SREK1IP1: variants seen among roughly 807,000 people sequenced by gnomAD.
The protein encoded by SREK1IP1 is SREK1 interacting protein 1.
SREK1IP1 carries 12 observed loss-of-function variants against 22.8 expected under a neutral mutation model. That is an observed-to-expected ratio of 0.53 (90% CI 0.34 to 0.85). The LOEUF is 0.85. SREK1IP1 is among the 40% of genes least tolerant of loss of function. The probability of loss-of-function intolerance (pLI) is 0.02; values close to 1 mark genes in which losing one functional copy is unlikely to be tolerated. For missense variants in SREK1IP1, 147 were observed against 171.8 expected (o/e 0.86, Z 0.81); for synonymous variants, 53 against 52.7 (o/e 1.01, Z -0.02).
At chr5:64,760,408 T>C (rs6449756) in intron 1 of SREK1IP1, among the ~76,000 whole-genome samples, 8,613 of 151,840 alleles carry the variant, frequency 0.057, 809 homozygotes, top group African/African-American at 0.2. Context: ...CAAAGGGAGG[T>C]GGGGGGAAAG....
At chr5:64,763,035 G>A (rs1368251233) in intron 1 of SREK1IP1, among the ~76,000 whole-genome samples, 1 of 152,040 alleles carries the variant, frequency 6.6e-6, no homozygotes, top group Non-Finnish European at 1.5e-5. Context: ...CTGGGTGACA[G>A]AGCGAGACTC....
At chr5:64,751,956 T>A (rs1742748786) in intron 2 of SREK1IP1, among the ~76,000 whole-genome samples, 1 of 152,086 alleles carries the variant, frequency 6.6e-6, no homozygotes, top group African/African-American at 2.4e-5. Context: ...AACCACTGGG[T>A]CTACTATACT....
intron 2 of SREK1IP1, among the ~76,000 whole-genome samples, chr5:64,747,362 G>A (rs189238807): frequency 1.3e-5 from 2 of 152,032 alleles, no homozygotes; most frequent in Admixed American, 6.6e-5. Context: ...CCCAAGAATC[G>A]CCTTATTAGT....
intron 3 of SREK1IP1, among the ~76,000 whole-genome samples, chr5:64,738,364 A>G (rs1453213509): frequency 6.6e-6 from 1 of 152,204 alleles, no homozygotes; most frequent in Non-Finnish European, 1.5e-5. Flanking sequence ...ATTTGACAAT[A>G]TATGTGCTCA....
chr5:64,750,160 T>G lies in SREK1IP1; in HGVS notation c.61+4155A>C, dbSNP rs138354141. Among the ~76,000 whole-genome samples the G allele has an allele frequency of 4.1e-4, 63 of 152,296 alleles. No individual in the cohort carries two copies. The East Asian group carries it at 0.012, about 28-fold the overall frequency. On this transcript the variant is annotated intron_variant, in intron 2 of 4. Transcript: ENST00000513458. ...GGGTTCCCTGACATTCTAGATTCCA[T>G]GGTCACACTATGGTCCTTGTTATCA... is the stretch of plus-strand genomic sequence containing the variant.
intron 1 of SREK1IP1, among the ~76,000 whole-genome samples, chr5:64,755,006 T>G (rs1275527103): frequency 2.0e-5 from 3 of 151,578 alleles, no homozygotes; most frequent in Admixed American, 6.6e-5. Flanking sequence ...AAAACCACAG[T>G]GAGATACCAA....
rs1216180708 is a variant in SREK1IP1, at chr5:64,718,560, TG to T, written c.*5823del. The T allele has an allele frequency of 1.3e-5, 2 of 152,198 alleles. No individual in the cohort carries two copies. The allele number at this position is 152,198 out of a possible 1,614,324, so 9.4% of individuals were successfully genotyped here. A position where few individuals can be genotyped will look rare whatever the true frequency, so the allele number is the denominator to read the frequency against. On this transcript the variant is annotated 3_prime_UTR_variant, in exon 5 of 5. Transcript: ENST00000513458. ...TGTATAATCTGTACAATAAATATTTTGTTTCAAGAGATAAGCATAACAAAAA... is the reference window on the plus strand; with the variant it reads ...TGTATAATCTGTACAATAAATATTTTTTTCAAGAGATAAGCATAACAAAAA...
chr5:64,736,126 T>C (rs1742458271), intron 3 of SREK1IP1, among the ~76,000 whole-genome samples: 1 of 152,216 alleles, frequency 6.6e-6, no homozygotes, highest in African/African-American at 2.4e-5. Context: ...CTATTTACAA[T>C]TACATTAAAT....
intron 1 of SREK1IP1, among the ~76,000 whole-genome samples, chr5:64,762,910 G>A (rs1742974910): frequency 6.6e-6 from 1 of 150,732 alleles, no homozygotes; most frequent in African/African-American, 2.5e-5. Flanking sequence ...AAATTAGCCA[G>A]GCGTGGTGGT....
At chr5:64,756,678 T>A (rs1267397240) in intron 1 of SREK1IP1, among the ~76,000 whole-genome samples, 2 of 151,994 alleles carry the variant, frequency 1.3e-5, no homozygotes, top group African/African-American at 4.8e-5. Context: ...CATGCTGGAG[T>A]GCAGTGGTGC....
chr5:64,752,507 C>G (rs567226113), intron 2 of SREK1IP1, among the ~76,000 whole-genome samples: 1 of 151,614 alleles, frequency 6.6e-6, no homozygotes, highest in Non-Finnish European at 1.5e-5. Flanking sequence ...AAAGAGAGAC[C>G]CATGTTATTT....
Position 64,741,213 on chromosome 5 carries a change from A to C in SREK1IP1, c.62-13T>G. Reference sequence around the variant, plus strand: ...GTCAGGTGACCAGCTAAGTGAAACAAACAAAAAAAATGTGAGTGATAAAAC... The same window carrying C: ...GTCAGGTGACCAGCTAAGTGAAACACACAAAAAAAATGTGAGTGATAAAAC... On this transcript the variant is annotated splice_polypyrimidine_tract_variant and intron_variant, in intron 2 of 4. Coordinates refer to ENST00000513458, the MANE Select transcript of SREK1IP1 (RefSeq NM_173829.4). 6.2e-7 allele frequency: 1 copy of C among 1,602,818 alleles called. No individual in the cohort carries two copies. The highest frequency in any genetic ancestry group is 8.5e-7 in the Non-Finnish European group (1 of 1,174,328).
chr5:64,758,210 C>T (rs987455754), intron 1 of SREK1IP1, among the ~76,000 whole-genome samples: 59 of 152,122 alleles, frequency 3.9e-4, no homozygotes, highest in African/African-American at 1.4e-3. Flanking sequence ...GCTCTATCAC[C>T]CAAGCTGGAG....
chr5:64,748,141 C>A (rs79275233), intron 2 of SREK1IP1, among the ~76,000 whole-genome samples: 1 of 152,018 alleles, frequency 6.6e-6, no homozygotes, highest in Non-Finnish European at 1.5e-5. Flanking sequence ...GTGGTATATA[C>A]ATATAGAGAA....
chr5:64,747,567 G>C (rs1438805744), intron 2 of SREK1IP1, among the ~76,000 whole-genome samples: 3 of 152,162 alleles, frequency 2.0e-5, no homozygotes, highest in Non-Finnish European at 4.4e-5. Flanking sequence ...CAAAAAGGTA[G>C]AGAAATTAGA....
chr5:64,761,716 T>C (rs1419324415), intron 1 of SREK1IP1, among the ~76,000 whole-genome samples: 2 of 152,182 alleles, frequency 1.3e-5, no homozygotes, highest in African/African-American at 4.8e-5. Flanking sequence ...ACTTCAGAAG[T>C]TGGAAACTGG....
At chr5:64,725,035 AAGTT>A (rs767515249) in intron 4 of SREK1IP1, among the ~76,000 whole-genome samples, 1 of 152,200 alleles carries the variant, frequency 6.6e-6, no homozygotes, top group Admixed American at 6.5e-5. Context: ...TGAAAGCTGA[AAGTT>A]AGCAAAATAA....
chr5:64,750,469 A>ACCCACCACTCC (rs1443973419), intron 2 of SREK1IP1, among the ~76,000 whole-genome samples: 2 of 152,132 alleles, frequency 1.3e-5, no homozygotes. Context: ...CTGGGTTGTT[A>ACCCACCACTCC]CCCACCACTC....
chr5:64,751,615 T>C (rs1473989466), intron 2 of SREK1IP1, among the ~76,000 whole-genome samples: 4 of 152,210 alleles, frequency 2.6e-5, no homozygotes, highest in African/African-American at 9.7e-5. Flanking sequence ...ACGTTTATAA[T>C]CTTTGGGCTC....
Sources: allele counts gnomAD v4.1 joint callset (sites outside exome capture counted in the v4.1 genomes callset), GRCh38; gene constraint gnomAD v4.1.1; transcripts MANE v1.5; gene names NCBI Gene and HGNC (gene_info 2026-07-23, HGNC 2026-07-21).